ATG7: variants seen among roughly 807,000 people sequenced by gnomAD.
The protein encoded by ATG7 is autophagy related 7.
In ATG7, 70 loss-of-function variants were observed where a neutral mutation model predicts 82.4. The ratio of observed to expected loss-of-function variants is 0.85; its 90% confidence interval spans 0.70 to 1.04. The LOEUF (loss-of-function observed/expected upper bound fraction) is 1.04. Ranked by LOEUF, ATG7 falls within the 50% of genes least tolerant of loss-of-function variation. The pLI is 0.00. For synonymous variants in ATG7, 287 were observed against 313.0 expected (o/e 0.92, Z 0.88); for missense variants, 792 against 864.3 (o/e 0.92, Z 1.05).
chr3:11,412,945 T>C (rs979036291), intron 19 of ATG7, among the ~76,000 whole-genome samples: 3 of 152,150 alleles, frequency 2.0e-5, no homozygotes, highest in African/African-American at 7.2e-5. Context: ...TTATATTCTT[T>C]TTGATGCTAT....
At chr3:11,514,852 T>TG (rs2092214811) in intron 20 of ATG7, among the ~76,000 whole-genome samples, 2 of 151,478 alleles carry the variant, frequency 1.3e-5, no homozygotes, top group South Asian at 4.2e-4. Flanking sequence ...TTTTTTTTTT[T>TG]TTTTTGGAGA....
At chr3:11,407,836 G>C (rs2080496214) in intron 19 of ATG7, among the ~76,000 whole-genome samples, 1 of 152,168 alleles carries the variant, frequency 6.6e-6, no homozygotes, top group South Asian at 2.1e-4. Flanking sequence ...AGGGACCCTG[G>C]GCTCAGCCCT....
chr3:11,283,078 G>C lies in ATG7; in HGVS notation c.-11+640G>C, dbSNP rs764499174. 1.2e-3 allele frequency among the ~76,000 whole-genome samples: 178 copies of C among 152,242 alleles called. 1 individual carries two copies. Among genetic ancestry groups the C allele is most frequent in the Non-Finnish European group, 2.2e-3 (150 of 68,046 alleles). On this transcript the variant is annotated intron_variant, in intron 3 of 20. Transcript: ENST00000693202. Reference sequence around the variant, plus strand: ...GCAGTTATTCTGGCACTTCTGCTAAGTGAATGGCCCCACATGGGCTCAGAG... The same window carrying C: ...GCAGTTATTCTGGCACTTCTGCTAACTGAATGGCCCCACATGGGCTCAGAG...
chr3:11,352,018 C>G (rs1319140205), intron 14 of ATG7, among the ~76,000 whole-genome samples: 1 of 147,288 alleles, frequency 6.8e-6, no homozygotes, highest in African/African-American at 2.5e-5. Context: ...CACGCCACGA[C>G]AGGCACTTGT....
At chr3:11,520,498 C>T (rs1034860430) in intron 20 of ATG7, among the ~76,000 whole-genome samples, 2 of 152,222 alleles carry the variant, frequency 1.3e-5, no homozygotes, top group African/African-American at 2.4e-5. Context: ...TGGTGGCTGC[C>T]GTGCCAGGCA....
intron 18 of ATG7, among the ~76,000 whole-genome samples, chr3:11,369,067 G>A: frequency 6.6e-6 from 1 of 150,878 alleles, no homozygotes; most frequent in East Asian, 1.9e-4. Flanking sequence ...ACATGCTGAG[G>A]TGGAGCTGGG....
chr3:11,558,197 G>A (rs1209116838), downstream of ATG7: 5 of 323,320 alleles, frequency 1.5e-5, no homozygotes, highest in Non-Finnish European at 2.9e-5. Context: ...AAAGCACAAA[G>A]CGTCTGAGTC....
At chr3:11,440,054 T>A (rs2083736808) in intron 20 of ATG7, among the ~76,000 whole-genome samples, 1 of 152,210 alleles carries the variant, frequency 6.6e-6, no homozygotes, top group Non-Finnish European at 1.5e-5. Flanking sequence ...GGCATTCTGC[T>A]TTATAGAACA....
At chr3:11,306,150 G>A (rs1393075935) in intron 5 of ATG7, among the ~76,000 whole-genome samples, 1 of 152,206 alleles carries the variant, frequency 6.6e-6, no homozygotes, top group East Asian at 1.9e-4. Flanking sequence ...TGTAGAGTGT[G>A]TAAACCTGGT....
chr3:11,364,691 G>T lies in ATG7; in HGVS notation c.1832G>T (p.Arg611Leu). Reference protein sequence around the residue: ...GYAIASSSDDRMNEPPTSLGL... With the variant: ...GYAIASSSDDLMNEPPTSLGL... ...GCCATTGCCAGCAGCAGTGACGATC[G>T]GATGAATGAGCCTCCAACCTCTCTT... Residue 611 changes from arginine to leucine, a missense_variant, in exon 18 of 21, where the codon CGG becomes CTG. Coordinates refer to ENST00000693202, the MANE Select transcript of ATG7 (RefSeq NM_001349232.2). The T allele has an allele frequency of 6.2e-7, 1 of 1,614,172 alleles. No individual in the cohort carries two copies. Among genetic ancestry groups the T allele is most frequent in the African/African-American group, 1.3e-5 (1 of 75,040 alleles).
At chr3:11,420,163 T>C (rs1472803481) in intron 19 of ATG7, among the ~76,000 whole-genome samples, 3 of 152,230 alleles carry the variant, frequency 2.0e-5, no homozygotes, top group African/African-American at 7.2e-5. Flanking sequence ...GAAAAATCCT[T>C]GTACTTTTTG....
intron 5 of ATG7, among the ~76,000 whole-genome samples, chr3:11,305,511 T>C (rs1051585622): frequency 2.0e-5 from 3 of 152,234 alleles, no homozygotes; most frequent in Non-Finnish European, 4.4e-5. Context: ...TAAAGCCAAG[T>C]CTGAATGTAG....
chr3:11,390,832 A>G (rs1437537767), intron 19 of ATG7, among the ~76,000 whole-genome samples: 3 of 152,240 alleles, frequency 2.0e-5, no homozygotes, highest in African/African-American at 7.2e-5. Context: ...GGAATTCAAA[A>G]GTATCCTATC....
chr3:11,401,985 A>G (rs1246522147), intron 19 of ATG7, among the ~76,000 whole-genome samples: 1 of 152,246 alleles, frequency 6.6e-6, no homozygotes, highest in African/African-American at 2.4e-5. Context: ...ACTTAAAAAC[A>G]GTAAGTACAC....
chr3:11,527,902 A>T (rs2092617475), intron 20 of ATG7, among the ~76,000 whole-genome samples: 1 of 152,218 alleles, frequency 6.6e-6, no homozygotes, highest in Non-Finnish European at 1.5e-5. Context: ...GTTTGTGACT[A>T]CAAACACAGT....
At chr3:11,512,333 C>T (rs1000977243) in intron 20 of ATG7, among the ~76,000 whole-genome samples, 20 of 152,350 alleles carry the variant, frequency 1.3e-4, no homozygotes, top group Admixed American at 3.3e-4. Flanking sequence ...CCGAGTTCCA[C>T]CTCTGGGTCA....
intron 3 of ATG7, among the ~76,000 whole-genome samples, chr3:11,287,175 C>G (rs1575166194): frequency 6.6e-6 from 1 of 152,118 alleles, no homozygotes; most frequent in Non-Finnish European, 1.5e-5. Flanking sequence ...AGTTTACAAT[C>G]AAGTTTGGTG....
rs1559836590 is a variant in ATG7, at chr3:11,554,984, G to A, written c.*141G>A. 6.6e-6 allele frequency: 7 copies of A among 1,065,764 alleles called. No individual in the cohort carries two copies. The Admixed American group carries it at 1.9e-4, about 28-fold the overall frequency. The allele number at this position is 1,065,764 out of a possible 1,614,324, so 66.0% of individuals were successfully genotyped here. A position where few individuals can be genotyped will look rare whatever the true frequency, so the allele number is the denominator to read the frequency against. ...GAGGTCTGGGATTCCCCCCTCTGCT[G>A]CCCAGGAGTGGCCAGTGTTCGGCGT... On this transcript the variant is annotated 3_prime_UTR_variant, in exon 21 of 21. Transcript: ENST00000693202.
rs770968843 is a variant in ATG7, at chr3:11,362,825, C to T, written c.1696C>T (p.Arg566Trp). Residue 566 changes from arginine (R) to tryptophan (W), a missense_variant, in exon 17 of 21, where the codon CGG (arginine) becomes TGG (tryptophan). Arg to Trp is a moderately radical substitution (Grantham distance 101). Coordinates refer to ENST00000693202, the MANE Select transcript of ATG7 (RefSeq NM_001349232.2). ...VVAPGDSTRD[R>W]TLDQQCTVSR... ...TGTTTCTTTGCAGTCAACCAGAGAC[C>T]GGACCTTGGACCAGCAGTGCACTGT... is the stretch of plus-strand genomic sequence containing the variant. The T allele has an allele frequency of 2.4e-5, 38 of 1,613,936 alleles. No individual in the cohort carries two copies. The highest frequency in any genetic ancestry group is 2.7e-5 in the Non-Finnish European group (32 of 1,179,920).
Sources: allele counts gnomAD v4.1 joint callset (sites outside exome capture counted in the v4.1 genomes callset), GRCh38; gene constraint gnomAD v4.1.1; transcripts MANE v1.5; gene names NCBI Gene and HGNC (gene_info 2026-07-23, HGNC 2026-07-21).